SUSD4: variants seen among roughly 807,000 people sequenced by gnomAD.
SUSD4 encodes sushi domain-containing protein 4.
A neutral mutation model predicts 50.5 loss-of-function variants in SUSD4; 41 were observed. The ratio of observed to expected loss-of-function variants is 0.81; its 90% CI spans 0.63 to 1.05. The LOEUF (loss-of-function observed/expected upper bound fraction) is 1.05. Among genes scored for constraint, SUSD4 ranks in the 50% least tolerant of loss-of-function variants. The pLI, the probability that SUSD4 is intolerant of heterozygous loss-of-function variation, is 0.00. For synonymous variants in SUSD4, 257 were observed against 257.3 expected (o/e 1.00, Z 0.01); for missense variants, 580 against 634.7 (o/e 0.91, Z 0.93).
chr1:223,221,257 G>C lies in SUSD4; in HGVS notation c.*935C>G. The C allele has an allele frequency of 2.5e-6, 1 of 396,836 alleles. No individual in the cohort carries two copies. 24.6% of individuals were successfully genotyped at this position (396,836 alleles called of 1,614,324 possible). ...TTCTGTTTTGGAAAATAAATGTATG[G>C]TTCAATTTGGGGCTGGGGGAACAAT... On this transcript the variant is annotated 3_prime_UTR_variant, in exon 9 of 9. Transcript: ENST00000366878.
At chr1:223,312,493 T>C (rs1205374836) in intron 2 of SUSD4, among the ~76,000 whole-genome samples, 1 of 152,088 alleles carries the variant, frequency 6.6e-6, no homozygotes, top group Non-Finnish European at 1.5e-5. Flanking sequence ...ATACATGACC[T>C]TTGGCAAAGT....
At chr1:223,266,742 C>A (rs982142638) in intron 4 of SUSD4, among the ~76,000 whole-genome samples, 5 of 152,200 alleles carry the variant, frequency 3.3e-5, no homozygotes, top group African/African-American at 1.2e-4. Flanking sequence ...TCTATAGGTG[C>A]AAATACAACT....
At chr1:223,341,381 T>A (rs948518594) in intron 2 of SUSD4, among the ~76,000 whole-genome samples, 6 of 152,178 alleles carry the variant, frequency 3.9e-5, no homozygotes, top group African/African-American at 1.4e-4. Context: ...CACGGCTGCA[T>A]CTCTCTAGCC....
chr1:223,240,703 T>C (rs1210159785), intron 5 of SUSD4, among the ~76,000 whole-genome samples: 2 of 152,378 alleles, frequency 1.3e-5, no homozygotes, highest in East Asian at 3.8e-4. Flanking sequence ...GCATGCTGAA[T>C]ATTTCCTCCA....
chr1:223,262,335 T>C (rs959829693), intron 5 of SUSD4, among the ~76,000 whole-genome samples: 1 of 152,188 alleles, frequency 6.6e-6, no homozygotes, highest in Non-Finnish European at 1.5e-5. Context: ...CCCAGTGCAA[T>C]AATTTTCACT....
intron 2 of SUSD4, among the ~76,000 whole-genome samples, chr1:223,361,191 A>G (rs1049552523): frequency 6.6e-6 from 1 of 152,190 alleles, no homozygotes; most frequent in Admixed American, 6.5e-5. Context: ...TGGAGCCTCC[A>G]TGTGCATTTC....
intron 3 of SUSD4, among the ~76,000 whole-genome samples, chr1:223,288,951 A>G (rs931497054): frequency 6.6e-6 from 1 of 152,230 alleles, no homozygotes; most frequent in Admixed American, 6.5e-5. Flanking sequence ...GTGTTTGTCA[A>G]GTGAATTCAG....
intron 3 of SUSD4, among the ~76,000 whole-genome samples, chr1:223,291,457 C>G (rs1001996348): frequency 1.6e-4 from 19 of 121,746 alleles, no homozygotes; most frequent in African/African-American, 6.0e-4. Flanking sequence ...CCACTGCACT[C>G]TAGCCTGGAT....
intron 2 of SUSD4, among the ~76,000 whole-genome samples, chr1:223,307,112 T>G (rs1479236424): frequency 1.3e-5 from 2 of 152,100 alleles, no homozygotes; most frequent in Admixed American, 1.3e-4. Context: ...GCTCCCTCCT[T>G]GGCCTCCCAA....
chr1:223,331,902 T>C (rs1398721671), intron 2 of SUSD4, among the ~76,000 whole-genome samples: 1 of 152,206 alleles, frequency 6.6e-6, no homozygotes, highest in Non-Finnish European at 1.5e-5. Context: ...CAGGTTGTAT[T>C]GCAAACAACA....
chr1:223,357,022 C>T (rs1424753917), intron 2 of SUSD4, among the ~76,000 whole-genome samples: 5 of 152,172 alleles, frequency 3.3e-5, no homozygotes, highest in East Asian at 1.9e-4. Context: ...GGAATGGTGA[C>T]GGCAGTGACA....
At chr1:223,300,881 G>A (rs1342134419) in intron 2 of SUSD4, among the ~76,000 whole-genome samples, 1 of 152,094 alleles carries the variant, frequency 6.6e-6, no homozygotes, top group Admixed American at 6.5e-5. Flanking sequence ...TGACCCCTTT[G>A]TCTCCCAGAG....
intron 5 of SUSD4, among the ~76,000 whole-genome samples, chr1:223,252,219 TAAAAAAAAAA>T (rs68004270): frequency 4.3e-4 from 56 of 129,078 alleles, no homozygotes; most frequent in Non-Finnish European, 6.8e-4. Flanking sequence ...AAAGTATAAT[TAAAAAAAAAA>T]AAAAAAAATA....
rs1330062347 is a variant in SUSD4, at chr1:223,227,758, G to A, written c.917-20C>T. On this transcript the variant is annotated intron_variant, in intron 6 of 8. Transcript: ENST00000366878. This position sits in a 1 kb window ranked among gnomAD's most constrained non-coding sequence, Gnocchi z 4.5. Reference sequence around the variant, plus strand: ...TTTGCTCTGCATGAGGGAGAACAAAGCTGTACGTGAGGCTCCCAGACCATG... The same window carrying A: ...TTTGCTCTGCATGAGGGAGAACAAAACTGTACGTGAGGCTCCCAGACCATG... 1.3e-6 allele frequency: 2 copies of A among 1,596,484 alleles called. No individual in the cohort carries two copies. Among genetic ancestry groups the A allele is most frequent in the South Asian group, 1.1e-5 (1 of 88,880 alleles).
At chr1:223,320,759 C>T (rs993204931) in intron 2 of SUSD4, among the ~76,000 whole-genome samples, 35 of 152,192 alleles carry the variant, frequency 2.3e-4, no homozygotes, top group African/African-American at 8.4e-4. Context: ...GCTCAATGCC[C>T]TGAGCTCAGG....
At chr1:223,249,948 A>G (rs1444394340) in intron 5 of SUSD4, among the ~76,000 whole-genome samples, 1 of 152,186 alleles carries the variant, frequency 6.6e-6, no homozygotes, top group African/African-American at 2.4e-5. Context: ...GTGAGAAAGG[A>G]CAGGCTAAGA....
chr1:223,242,332 G>A (rs753929284), intron 5 of SUSD4, among the ~76,000 whole-genome samples: 2 of 152,208 alleles, frequency 1.3e-5, no homozygotes, highest in African/African-American at 2.4e-5. Context: ...AGCCTCTCCA[G>A]TGTTGTGGCA....
chr1:223,359,742 AG>A (rs1326823477), intron 2 of SUSD4, among the ~76,000 whole-genome samples: 3 of 152,186 alleles, frequency 2.0e-5, no homozygotes, highest in Non-Finnish European at 4.4e-5. Flanking sequence ...ATTATGATAG[AG>A]GGTTACAGCT....
intron 2 of SUSD4, among the ~76,000 whole-genome samples, chr1:223,301,121 A>C (rs1304648410): frequency 6.6e-6 from 1 of 152,206 alleles, no homozygotes; most frequent in African/African-American, 2.4e-5. Context: ...TCAGATCTTC[A>C]TGATATTATA....
Sources: gnomAD v4.1 joint callset for allele counts (sites outside exome capture counted in the v4.1 genomes callset) on GRCh38, gnomAD v4.1.1 for gene constraint, Gnocchi (gnomAD v3.1) non-coding constraint, MANE v1.5 for transcripts, NCBI Gene and HGNC (gene_info 2026-07-23, HGNC 2026-07-21) for gene names.